Variants in AKAP12 observed in about 807,000 individuals in gnomAD.
AKAP12 encodes A-kinase anchor protein 12.
AKAP12 carries 32 observed loss-of-function variants against 79.9 expected under a neutral mutation model. The ratio of observed to expected loss-of-function variants is 0.40; its 90% CI spans 0.30 to 0.54. The LOEUF (loss-of-function observed/expected upper bound fraction) is 0.54, where lower values mean the gene tolerates loss of function less well. Ranked by LOEUF, AKAP12 falls within the 20% of genes least tolerant of loss-of-function variation. The pLI is 0.48. For synonymous variants in AKAP12, 808 were observed against 857.0 expected, an observed-to-expected ratio of 0.94 and a Z score of 1.00; for missense variants, 2,074 against 2,177.0, an observed-to-expected ratio of 0.95 and a Z score of 0.94.
chr6:151,289,956 C>T (rs1776579608), intron 2 of AKAP12, among the ~76,000 whole-genome samples: 1 of 152,106 alleles, frequency 6.6e-6, no homozygotes, highest in Admixed American at 6.6e-5. Flanking sequence ...TGATGACTAG[C>T]ATGGTTATGG....
At chr6:151,344,086 A>C (rs1397747012) in intron 3 of AKAP12, 2 of 237,058 alleles carry the variant, frequency 8.4e-6, no homozygotes, top group African/African-American at 4.6e-5. Context: ...TGTTGGTCAC[A>C]AATGTGTATT....
chr6:151,258,175 A>C (rs1316441344), intron 2 of AKAP12, among the ~76,000 whole-genome samples: 1 of 152,214 alleles, frequency 6.6e-6, no homozygotes, highest in Non-Finnish European at 1.5e-5. Context: ...TCCTGCAATG[A>C]ATACTGGAGG....
chr6:151,341,707 A>G (rs558429201), intron 3 of AKAP12: 2 of 1,256,456 alleles, frequency 1.6e-6, no homozygotes, highest in East Asian at 5.8e-5. Flanking sequence ...CGTGCACCCA[A>G]GCGGCAGTTC....
intron 2 of AKAP12, among the ~76,000 whole-genome samples, chr6:151,243,241 T>C (rs1364224910): frequency 6.6e-6 from 1 of 152,250 alleles, no homozygotes; most frequent in East Asian, 1.9e-4. Context: ...CCTTGATGTG[T>C]CTGTGGACGG....
Position 151,252,326 on chromosome 6 carries a change from G to T in AKAP12, c.162+11602G>T, listed in dbSNP as rs527237809. On this transcript the variant is annotated intron_variant, in intron 2 of 4. Coordinates refer to ENST00000402676, the MANE Select transcript of AKAP12 (RefSeq NM_005100.4). Reference sequence around the variant, plus strand: ...TTCTCATGCCTCAGCCTCTCGAGTAGCTGGGACTACAGGTGCAGGCCACCA... The same window carrying T: ...TTCTCATGCCTCAGCCTCTCGAGTATCTGGGACTACAGGTGCAGGCCACCA... Among the ~76,000 whole-genome samples the T allele has an allele frequency of 2.0e-5, 3 of 152,032 alleles. No homozygotes were observed. The East Asian group carries it at 5.9e-4, about 30-fold the overall frequency.
chr6:151,354,364 T>TTTTTGTTTTG (rs58313720), intron 4 of AKAP12, among the ~76,000 whole-genome samples: 1 of 135,172 alleles, frequency 7.4e-6, no homozygotes, highest in South Asian at 2.2e-4. Flanking sequence ...ATCTTTGTGG[T>TTTTTGTTTTG]TTTTGTTTTG....
At position 151,350,644 on chromosome 6, in the gene AKAP12, C is replaced by A. The variant is rs773654953; in HGVS notation, c.2253C>A (p.Thr751=). 1 of 1,613,896 alleles carries A rather than the reference C, an allele frequency of 6.2e-7. No individual in the cohort carries two copies. The highest frequency in any genetic ancestry group is 1.1e-5 in the South Asian group (1 of 91,068). The part of the protein sequence containing the change: ...SSSPEQAGSP[T]EGEGVSTWES... ...CCCCGGAGCAAGCTGGAAGCCCTAC[C>A]GAAGGGGAGGGCGTTTCCACCTGGG... Residue 751 remains threonine, a synonymous_variant, in exon 4 of 5, where the codon ACC becomes ACA. Transcript: ENST00000402676. The surrounding 1 kb of genome is among the most constrained non-coding windows in gnomAD (Gnocchi z 4.8).
chr6:151,272,435 ATACTCCCTTTGCCTTTCTGTTTTTCG>A lies in AKAP12; in HGVS notation c.162+31727_162+31752del, dbSNP rs530340108. ...TTCTTTTCTAGTTTCTTAAACTAGAATACTCCCTTTGCCTTTCTGTTTTTCGTACTCCCTTTGCCTTCCTGTTTTTC... is the reference window on the plus strand; with the variant it reads ...TTCTTTTCTAGTTTCTTAAACTAGAATACTCCCTTTGCCTTCCTGTTTTTC... On this transcript the variant is annotated intron_variant, in intron 2 of 4. Coordinates refer to ENST00000402676, the MANE Select transcript of AKAP12 (RefSeq NM_005100.4). Among the ~76,000 whole-genome samples, 28 of 151,870 alleles carry A rather than the reference ATACTCCCTTTGCCTTTCTGTTTTTCG, an allele frequency of 1.8e-4. No homozygotes were observed. The East Asian group carries it at 3.7e-3, about 20-fold the overall frequency.
chr6:151,262,387 C>T (rs930574939), intron 2 of AKAP12, among the ~76,000 whole-genome samples: 17 of 152,292 alleles, frequency 1.1e-4, no homozygotes, highest in East Asian at 7.7e-4. Flanking sequence ...TCACGTAGTG[C>T]GGTGTCATGG....
At position 151,353,309 on chromosome 6, in the gene AKAP12, A is replaced by G; in HGVS notation, c.4918A>G (p.Lys1640Glu). 1.9e-6 allele frequency: 3 copies of G among 1,614,212 alleles called. No homozygotes were observed. The highest frequency in any genetic ancestry group is 2.5e-6 in the Non-Finnish European group (3 of 1,180,034). ...CAAAGACATGAGTGAAGCCTCAGAA[A>G]AGACCATGACTGTTGAGGTAGAAGG... ...ISKDMSEASE[K>E]TMTVEVEGST... The change falls in exon 4 of 5, where the codon AAG (lysine) becomes GAG (glutamate). Residue 1640 changes from lysine to glutamate, a missense_variant. Physicochemically the swap from Lys to Glu is moderately conservative, Grantham distance 56 (BLOSUM62 1). Transcript: ENST00000402676.
At chr6:151,262,297 C>T (rs1435885405) in intron 2 of AKAP12, among the ~76,000 whole-genome samples, 2 of 152,164 alleles carry the variant, frequency 1.3e-5, no homozygotes, top group Non-Finnish European at 2.9e-5. Context: ...GTCTGCTACA[C>T]GTTCTTCTTC....
chr6:151,305,889 T>A lies in AKAP12; in HGVS notation c.305T>A (p.Val102Asp). The A allele has an allele frequency of 6.2e-7, 1 of 1,610,878 alleles. No individual in the cohort carries two copies. The highest frequency in any genetic ancestry group is 8.5e-7 in the Non-Finnish European group (1 of 1,178,576). Residue 102 changes from valine to aspartate, a missense_variant, in exon 3 of 5, where the codon GTC becomes GAC. Val to Asp is a radical substitution (Grantham distance 152). Coordinates refer to ENST00000402676, the MANE Select transcript of AKAP12 (RefSeq NM_005100.4). ...CTAAACAGCCAGGAGGAAGAAGAAG[T>A]CATTGTCACAGAGGGTAAGCCGCCC... ...GALNSQEEEE[V>D]IVTEVGQRDS...
chr6:151,319,532 A>ATC (rs1193012443), intron 3 of AKAP12: 13 of 88,604 alleles, frequency 1.5e-4, no homozygotes, highest in East Asian at 1.5e-3. Context: ...ATATAGATAT[A>ATC]TATATATAGA....
intron 3 of AKAP12, among the ~76,000 whole-genome samples, chr6:151,334,376 C>G (rs1366943153): frequency 6.6e-6 from 1 of 151,738 alleles, no homozygotes; most frequent in South Asian, 2.1e-4. Context: ...GGTGGATCAC[C>G]TGAGGTCAGG....
rs530876880 is a variant in AKAP12 at position 151,342,595 on chromosome 6, C to T, written c.320-6116C>T. ...TGGAGGCGCCCGAAGATTGTTCTGA[C>T]AATTGTAGCTCTTAGGATTACTTAT... On this transcript the variant is annotated intron_variant, in intron 3 of 4. Coordinates refer to ENST00000402676, the MANE Select transcript of AKAP12 (RefSeq NM_005100.4). Among the ~76,000 whole-genome samples, 8 of 152,324 alleles carry T rather than the reference C, an allele frequency of 5.3e-5. No homozygotes were observed. In the Middle Eastern group the frequency reaches 0.01, roughly 194 times the overall value.
chr6:151,331,293 A>T (rs1777658534), intron 3 of AKAP12, among the ~76,000 whole-genome samples: 1 of 152,164 alleles, frequency 6.6e-6, no homozygotes, highest in Non-Finnish European at 1.5e-5. Context: ...TAAAATATTA[A>T]AAAGCACCTA....
At chr6:151,335,401 A>C (rs1354912078) in intron 3 of AKAP12, among the ~76,000 whole-genome samples, 2 of 152,164 alleles carry the variant, frequency 1.3e-5, no homozygotes, top group African/African-American at 4.8e-5. Flanking sequence ...TAGTGTCCTC[A>C]CCTATAATGT....
At chr6:151,259,006 G>A (rs1797357345) in intron 2 of AKAP12, among the ~76,000 whole-genome samples, 1 of 150,700 alleles carries the variant, frequency 6.6e-6, no homozygotes, top group African/African-American at 2.4e-5. Flanking sequence ...ATATATGTGT[G>A]TGTGTATATA....
At chr6:151,296,833 A>G (rs1414081267) in intron 2 of AKAP12, among the ~76,000 whole-genome samples, 1 of 152,172 alleles carries the variant, frequency 6.6e-6, no homozygotes, top group East Asian at 1.9e-4. Flanking sequence ...GAATGGAGAG[A>G]CTAAAGAATT....
Sources: allele counts gnomAD v4.1 joint callset (sites outside exome capture counted in the v4.1 genomes callset), GRCh38; gene constraint gnomAD v4.1.1; non-coding constraint Gnocchi (gnomAD v3.1); transcripts MANE v1.5; gene names NCBI Gene and HGNC (gene_info 2026-07-23, HGNC 2026-07-21).